CDH13: variants seen among roughly 807,000 people sequenced by gnomAD.
CDH13 encodes the protein cadherin 13.
CDH13 carries 24 observed loss-of-function variants against 63.8 expected under a neutral mutation model. The observed-to-expected ratio is 0.38, with a 90% CI of 0.27 to 0.53. CDH13 has a LOEUF of 0.53. Among genes scored for constraint, CDH13 ranks in the 20% least tolerant of loss-of-function variants. CDH13 has a pLI of 0.85. For synonymous variants in CDH13, 503 were observed against 355.3 expected (o/e 1.42, Z -4.67); for missense variants, 1,049 against 903.1 (o/e 1.16, Z -2.07).
chr16:82,915,849 C>G (rs2041971073), intron 2 of CDH13, among the ~76,000 whole-genome samples: 1 of 149,450 alleles, frequency 6.7e-6, no homozygotes, highest in Non-Finnish European at 1.5e-5. Context: ...TTTTGGCATA[C>G]TAGACCATCA....
At position 82,840,257 on chromosome 16, in the gene CDH13, G is replaced by A. The variant is rs886703095; in HGVS notation, c.46-18105G>A. On this transcript the variant is annotated intron_variant, in intron 1 of 13. Coordinates refer to ENST00000567109, the MANE Select transcript of CDH13 (RefSeq NM_001257.5). ...GAAGAGGGTAATGTTTTGATACTGTGGTGAAGCTGAGGAGGGCGATGTCCT... is the reference window on the plus strand; with the variant it reads ...GAAGAGGGTAATGTTTTGATACTGTAGTGAAGCTGAGGAGGGCGATGTCCT... Among the ~76,000 whole-genome samples, 6 of 152,124 alleles carry A rather than the reference G, an allele frequency of 3.9e-5. No homozygotes were observed. The East Asian group carries it at 1.2e-3, about 30-fold the overall frequency.
chr16:83,193,237 C>G lies in CDH13; in HGVS notation c.484-24108C>G, dbSNP rs549060523. 6.6e-5 allele frequency among the ~76,000 whole-genome samples: 10 copies of G among 152,074 alleles called. No homozygotes were observed. In the East Asian group the frequency reaches 1.7e-3, roughly 26 times the overall value. On this transcript the variant is annotated intron_variant, in intron 4 of 13. Transcript: ENST00000567109. ...GCCATCCTAGATGCTAGCTCTTTAC[C>G]TGCATGATATCATGCAAATCTTGGA...
intron 4 of CDH13, among the ~76,000 whole-genome samples, chr16:83,155,329 G>T (rs796754062): frequency 9.8e-5 from 15 of 152,292 alleles, no homozygotes; most frequent in African/African-American, 3.4e-4. Flanking sequence ...ATCCTTGAAA[G>T]TCCCTTAAAT....
chr16:82,640,392 T>C (rs375777841), intron 1 of CDH13, among the ~76,000 whole-genome samples: 1 of 152,210 alleles, frequency 6.6e-6, no homozygotes, highest in African/African-American at 2.4e-5. Flanking sequence ...GTTGGGAATT[T>C]ACGAATATGG....
chr16:83,279,436 A>G (rs938114577), intron 5 of CDH13, among the ~76,000 whole-genome samples: 13 of 152,192 alleles, frequency 8.5e-5, no homozygotes, highest in Non-Finnish European at 5.9e-5. Context: ...CCATAGCACA[A>G]TAGCTGCAAT....
intron 1 of CDH13, among the ~76,000 whole-genome samples, chr16:82,711,110 G>C (rs150660120): frequency 1.3e-5 from 2 of 152,020 alleles, no homozygotes; most frequent in African/African-American, 4.8e-5. Context: ...CAGTTTCTAC[G>C]TCTTTCTCAG....
chr16:82,888,303 G>T (rs1307513943), intron 2 of CDH13, among the ~76,000 whole-genome samples: 1 of 152,220 alleles, frequency 6.6e-6, no homozygotes, highest in Admixed American at 6.5e-5. Flanking sequence ...AAGGCAAAAG[G>T]TTTGATCTGG....
intron 4 of CDH13, among the ~76,000 whole-genome samples, chr16:83,139,423 A>G (rs2036437238): frequency 6.6e-6 from 1 of 152,246 alleles, no homozygotes. Context: ...TATTTTAAAT[A>G]CATTTCTTCT....
chr16:82,787,841 A>AGTGTGTGTGTGTGTGTGTGTGTGTGTGT (rs10528183), intron 1 of CDH13, among the ~76,000 whole-genome samples: 6,165 of 146,686 alleles, frequency 0.042, 197 homozygotes, highest in South Asian at 0.077. Flanking sequence ...GAAGGGAGGA[A>AGTGTGTGTGTGTGTGTGTGTGTGTGTGT]GTGTGTGTGT....
At chr16:83,283,195 T>C (rs1487302967) in intron 5 of CDH13, among the ~76,000 whole-genome samples, 1 of 152,194 alleles carries the variant, frequency 6.6e-6, no homozygotes, top group Non-Finnish European at 1.5e-5. Flanking sequence ...TGGCTGAATG[T>C]TTGAATTACC....
chr16:82,910,651 C>G (rs2041802309), intron 2 of CDH13, among the ~76,000 whole-genome samples: 1 of 152,184 alleles, frequency 6.6e-6, no homozygotes, highest in African/African-American at 2.4e-5. Context: ...CTCCTAGTCT[C>G]AAACCACTAA....
intron 1 of CDH13, among the ~76,000 whole-genome samples, chr16:82,769,881 G>A (rs910190581): frequency 6.6e-6 from 1 of 152,212 alleles, no homozygotes; most frequent in Non-Finnish European, 1.5e-5. Flanking sequence ...GGATAAGTCA[G>A]AGAGGAAATT....
At chr16:83,558,718 G>T (rs1337407314) in intron 7 of CDH13, among the ~76,000 whole-genome samples, 1 of 151,912 alleles carries the variant, frequency 6.6e-6, no homozygotes, top group Non-Finnish European at 1.5e-5. Flanking sequence ...TTTCAACTTT[G>T]TTGGAATACC....
rs370759740 is a variant in CDH13 at position 82,954,951 on chromosome 16, G to A, written c.158-77059G>A. On this transcript the variant is annotated intron_variant, in intron 2 of 13. Transcript: ENST00000567109. ...GTTTTAAATGTTCATCCCTGTTGTA[G>A]CGTGTATCAATACTTCAGTCTTTGC... is the stretch of plus-strand genomic sequence containing the variant. Among the ~76,000 whole-genome samples the A allele has an allele frequency of 1.6e-4, 24 of 152,086 alleles. 1 individual carries two copies. The highest frequency in any genetic ancestry group is 1.3e-3 in the East Asian group (7 of 5,192).
rs1905397713 is a variant in CDH13, at chr16:83,696,305, A to G, written c.1538+17844A>G. Among the ~76,000 whole-genome samples the G allele has an allele frequency of 2.0e-5, 3 of 152,196 alleles. No homozygotes were observed. In the South Asian group the frequency reaches 6.2e-4, roughly 32 times the overall value. Reference sequence around the variant, plus strand: ...TGCAGGTTCGTTAAACACCTGTGATATCTTTTTATAATTCTGTGTAAGATG... The same window carrying G: ...TGCAGGTTCGTTAAACACCTGTGATGTCTTTTTATAATTCTGTGTAAGATG... On this transcript the variant is annotated intron_variant, in intron 10 of 13. Transcript: ENST00000567109.
chr16:83,212,815 G>T (rs2039378788), intron 4 of CDH13, among the ~76,000 whole-genome samples: 1 of 152,184 alleles, frequency 6.6e-6, no homozygotes, highest in African/African-American at 2.4e-5. Flanking sequence ...TGATACAAGA[G>T]GCTTGGGGGA....
intron 2 of CDH13, chr16:82,858,878 G>T (rs1340640301): frequency 4.6e-6 from 1 of 218,834 alleles, no homozygotes; most frequent in Non-Finnish European, 9.0e-6. Flanking sequence ...AAATAATGGT[G>T]AGAGTATGAC....
At chr16:83,329,504 C>A (rs1317985723) in intron 5 of CDH13, among the ~76,000 whole-genome samples, 1 of 151,776 alleles carries the variant, frequency 6.6e-6, no homozygotes, top group Admixed American at 6.6e-5. Context: ...CCCAAAGTGC[C>A]GGGATTACAG....
At chr16:82,732,110 T>G (rs1032674993) in intron 1 of CDH13, among the ~76,000 whole-genome samples, 7 of 152,306 alleles carry the variant, frequency 4.6e-5, no homozygotes, top group African/African-American at 1.7e-4. Flanking sequence ...TTGACTTAAT[T>G]ATAGTTAAAT....
Sources: allele counts gnomAD v4.1 joint callset (sites outside exome capture counted in the v4.1 genomes callset), GRCh38; gene constraint gnomAD v4.1.1; transcripts MANE v1.5; gene names NCBI Gene and HGNC (gene_info 2026-07-23, HGNC 2026-07-21).